PHYHIPL: variants seen among roughly 807,000 people sequenced by gnomAD.
PHYHIPL encodes the protein phytanoyl-CoA hydroxylase-interacting protein-like.
A neutral mutation model predicts 33.4 loss-of-function variants in PHYHIPL; 9 were observed. The ratio of observed to expected loss-of-function variants is 0.27; its 90% CI spans 0.16 to 0.47. The LOEUF is 0.47. Ranked by LOEUF, PHYHIPL falls within the 20% of genes least tolerant of loss-of-function variation. The pLI is 0.99. For missense variants in PHYHIPL, 365 were observed against 460.7 expected (o/e 0.79, Z 1.90); for synonymous variants, 153 against 154.1 (o/e 0.99, Z 0.05).
upstream of PHYHIPL, chr10:59,176,580 G>T (rs1267763200): frequency 1.4e-5 from 3 of 216,548 alleles, no homozygotes; most frequent in Non-Finnish European, 2.6e-5. Context: ...CCCGAGAGCA[G>T]CGTCCCCTCC....
chr10:59,215,567 C>T (rs1839591371), intron 1 of PHYHIPL, among the ~76,000 whole-genome samples: 1 of 151,868 alleles, frequency 6.6e-6, no homozygotes, highest in African/African-American at 2.4e-5. Context: ...CCCCTGTATT[C>T]ATATGTATCT....
At chr10:59,219,155 C>T (rs1185661045) in intron 1 of PHYHIPL, 10 of 631,364 alleles carry the variant, frequency 1.6e-5, no homozygotes, top group African/African-American at 1.4e-4. Context: ...TTTTGAGAGA[C>T]TTTTTGATGC....
At chr10:59,224,502 C>CAAAACAAAACAA (rs1839870568) in intron 1 of PHYHIPL, among the ~76,000 whole-genome samples, 1 of 138,294 alleles carries the variant, frequency 7.2e-6, no homozygotes, top group African/African-American at 2.6e-5. Flanking sequence ...AAACAAAAAA[C>CAAAACAAAACAA]AAAACAAAAA....
upstream of PHYHIPL, among the ~76,000 whole-genome samples, chr10:59,174,980 A>G (rs1460994190): frequency 2.6e-5 from 4 of 152,146 alleles, no homozygotes; most frequent in Non-Finnish European, 5.9e-5. Flanking sequence ...TTACTTGAAA[A>G]TCAGTAAATT....
At chr10:59,237,175 T>C (rs777885809) in intron 3 of PHYHIPL, among the ~76,000 whole-genome samples, 8 of 151,810 alleles carry the variant, frequency 5.3e-5, no homozygotes, top group Non-Finnish European at 1.2e-4. Flanking sequence ...TAAACTAGTG[T>C]CCTGTATACA....
chr10:59,245,731 C>A lies in PHYHIPL; in HGVS notation c.*140C>A. On this transcript the variant is annotated 3_prime_UTR_variant, in exon 5 of 5. Coordinates refer to ENST00000373880, the MANE Select transcript of PHYHIPL (RefSeq NM_032439.4). ...ACCAAAACAAACAACTACCACTTTC[C>A]AAATTTCATTCAGAACCATTTTAGT... 1.1e-6 allele frequency: 1 copy of A among 909,626 alleles called. No homozygotes were observed. The highest frequency in any genetic ancestry group is 1.6e-6 in the Non-Finnish European group (1 of 619,064). The allele number at this position is 909,626 out of a possible 1,614,324, so 56.3% of individuals were successfully genotyped here. A position where few individuals can be genotyped will look rare whatever the true frequency, so the allele number is the denominator to read the frequency against.
chr10:59,186,809 A>AT (rs1307598689), intron 1 of PHYHIPL, among the ~76,000 whole-genome samples: 1 of 152,094 alleles, frequency 6.6e-6, no homozygotes. Context: ...TTGTACATTG[A>AT]TTTTTTATCC....
intron 1 of PHYHIPL, among the ~76,000 whole-genome samples, chr10:59,182,100 A>G (rs1206945778): frequency 6.6e-6 from 1 of 152,206 alleles, no homozygotes; most frequent in Non-Finnish European, 1.5e-5. Context: ...GGGCCTCGAT[A>G]ATAACAGCAG....
At position 59,181,683 on chromosome 10, in the gene PHYHIPL, G is replaced by C. The variant is rs1485512492; in HGVS notation, c.106+4724G>C. Among the ~76,000 whole-genome samples the C allele has an allele frequency of 3.3e-5, 5 of 152,204 alleles. No individual in the cohort carries two copies. In the South Asian group the frequency reaches 1.0e-3, roughly 32 times the overall value. The stretch of plus-strand genomic sequence containing the variant: ...TTTCTTTGGCCCAAATATGACTATA[G>C]AGATATTAGTGAGTATGAAACAAAA... On this transcript the variant is annotated intron_variant, in intron 1 of 4. Coordinates refer to ENST00000373880, the MANE Select transcript of PHYHIPL (RefSeq NM_032439.4).
At chr10:59,241,300 T>G (rs1840387191) in intron 4 of PHYHIPL, among the ~76,000 whole-genome samples, 1 of 151,954 alleles carries the variant, frequency 6.6e-6, no homozygotes, top group Admixed American at 6.6e-5. Context: ...TTTCCAAAGT[T>G]TATAATCCAT....
upstream of PHYHIPL, among the ~76,000 whole-genome samples, chr10:59,174,766 T>A (rs1417162094): frequency 6.6e-6 from 1 of 152,210 alleles, no homozygotes. Context: ...TTCCTGACCA[T>A]CTAACCTAGG....
intron 1 of PHYHIPL, among the ~76,000 whole-genome samples, chr10:59,188,222 T>C (rs945846376): frequency 6.6e-6 from 1 of 152,220 alleles, no homozygotes; most frequent in Admixed American, 6.5e-5. Context: ...TTTTGTTATG[T>C]ACCCGGTAGT....
intron 1 of PHYHIPL, among the ~76,000 whole-genome samples, chr10:59,180,673 A>G (rs575499167): frequency 2.8e-4 from 42 of 152,178 alleles, no homozygotes; most frequent in Middle Eastern, 6.8e-3. Flanking sequence ...ACGTGGAAAA[A>G]ATGGAGGAAA....
chr10:59,208,805 T>A (rs1200176048), intron 1 of PHYHIPL, among the ~76,000 whole-genome samples: 1 of 151,712 alleles, frequency 6.6e-6, no homozygotes, highest in Non-Finnish European at 1.5e-5. Flanking sequence ...GCCGAATTGA[T>A]CAAGCAGAAG....
rs143611972 is a variant in PHYHIPL, at chr10:59,212,142, C to G, written c.107-22162C>G. On this transcript the variant is annotated intron_variant, in intron 1 of 4. Transcript: ENST00000373880. Reference sequence around the variant, plus strand: ...AGCCCCCTCACCATGTGATGCCCTGCACTGGTGCAGGACTCTGCAGAAAGT... The same window carrying G: ...AGCCCCCTCACCATGTGATGCCCTGGACTGGTGCAGGACTCTGCAGAAAGT... Among the ~76,000 whole-genome samples, 13 of 152,260 alleles carry G rather than the reference C, an allele frequency of 8.5e-5. 1 individual carries two copies. The East Asian group carries it at 2.5e-3, about 30-fold the overall frequency.
chr10:59,179,842 T>TACACACACACACAC (rs147836305), intron 1 of PHYHIPL, among the ~76,000 whole-genome samples: 3 of 134,794 alleles, frequency 2.2e-5, no homozygotes, highest in African/African-American at 5.6e-5. Flanking sequence ...GCAAGACAGT[T>TACACACACACACAC]ACACACACAC....
Position 59,247,688 on chromosome 10 carries a change from A to G in PHYHIPL, c.*2097A>G, listed in dbSNP as rs1422127384. 6.2e-7 allele frequency: 1 copy of G among 1,613,340 alleles called. No individual in the cohort carries two copies. On this transcript the variant is annotated 3_prime_UTR_variant, in exon 5 of 5. Coordinates refer to ENST00000373880, the MANE Select transcript of PHYHIPL (RefSeq NM_032439.4). ...CTCAGTTTGGCTTTTATGTGCTTAT[A>G]TTCATAATACTCATCTGCCATTGGT...
chr10:59,245,555 C>T lies in PHYHIPL; in HGVS notation c.1095C>T (p.Pro365=), dbSNP rs1416809757. Residue 365 remains proline (P), a synonymous_variant, in exon 5 of 5, where the codon CCC becomes CCT. Coordinates refer to ENST00000373880, the MANE Select transcript of PHYHIPL (RefSeq NM_032439.4). Reference sequence around the variant, plus strand: ...CTACTGCAAATGCAAAGAAAGATCCCAGCTGCAAAACCTGTAATATCAGTG... The same window carrying T: ...CTACTGCAAATGCAAAGAAAGATCCTAGCTGCAAAACCTGTAATATCAGTG... The part of the protein sequence containing the change: ...SLSTANAKKD[P]SCKTCNISVG... 1.2e-6 allele frequency: 2 copies of T among 1,609,950 alleles called. No homozygotes were observed. Among genetic ancestry groups the T allele is most frequent in the African/African-American group, 1.3e-5 (1 of 74,864 alleles).
chr10:59,198,714 C>T (rs912453017), intron 1 of PHYHIPL, among the ~76,000 whole-genome samples: 1 of 150,172 alleles, frequency 6.7e-6, no homozygotes, highest in African/African-American at 2.5e-5. Flanking sequence ...TCTCCAGCAC[C>T]TATTGTTTCC....
Sources: gnomAD v4.1 joint callset for allele counts (sites outside exome capture counted in the v4.1 genomes callset) on GRCh38, gnomAD v4.1.1 for gene constraint, MANE v1.5 for transcripts, NCBI Gene and HGNC (gene_info 2026-07-23, HGNC 2026-07-21) for gene names.